Variants in CRTC1 observed in about 807,000 individuals in gnomAD.
The protein encoded by CRTC1 is CREB regulated transcription coactivator 1.
CRTC1 carries 18 observed loss-of-function variants against 66.1 expected under a neutral mutation model. The ratio of observed to expected loss-of-function variants is 0.27; its 90% confidence interval spans 0.19 to 0.40. The LOEUF is 0.40. Ranked by LOEUF, CRTC1 falls within the 10% of genes least tolerant of loss-of-function variation. The probability of loss-of-function intolerance (pLI) is 1.00; values close to 1 mark genes in which losing one functional copy is unlikely to be tolerated. For missense variants in CRTC1, 669 were observed against 887.9 expected (o/e 0.75, Z 3.13); for synonymous variants, 416 against 398.8 (o/e 1.04, Z -0.51).
At position 18,714,345 on chromosome 19, in the gene CRTC1, TC is replaced by T. The variant is rs2053459068; in HGVS notation, c.127-28564del. ...TTTTTTGAGACGGAGTCTTGCTCTG[TC>T]ACCTAGGCTGGAGTACGGTGGTGTG... On this transcript the variant is annotated intron_variant, in intron 1 of 13. Coordinates refer to ENST00000321949, the MANE Select transcript of CRTC1 (RefSeq NM_015321.3). 2.0e-5 allele frequency among the ~76,000 whole-genome samples: 3 copies of T among 152,070 alleles called. No homozygotes were observed. The East Asian group carries it at 5.8e-4, about 29-fold the overall frequency.
intron 1 of CRTC1, among the ~76,000 whole-genome samples, chr19:18,700,715 T>C (rs2145528470): frequency 6.6e-6 from 1 of 152,288 alleles, no homozygotes; most frequent in South Asian, 2.1e-4. Flanking sequence ...CGCCTGGGAC[T>C]GGCTCTGTGG....
At chr19:18,774,023 C>T (rs989169083) in intron 11 of CRTC1, among the ~76,000 whole-genome samples, 1 of 152,192 alleles carries the variant, frequency 6.6e-6, no homozygotes, top group African/African-American at 2.4e-5. Flanking sequence ...ACATGCCTTA[C>T]GCTATAGCTC....
chr19:18,744,030 G>T (rs1188967281), intron 2 of CRTC1: 5 of 1,515,890 alleles, frequency 3.3e-6, no homozygotes, highest in Admixed American at 1.7e-5. Context: ...CACAGCCCGG[G>T]GGGAGGTCCC....
chr19:18,740,518 CCA>C (rs969123166), intron 1 of CRTC1, among the ~76,000 whole-genome samples: 1 of 152,160 alleles, frequency 6.6e-6, no homozygotes, highest in Non-Finnish European at 1.5e-5. Context: ...CACCCTAAAA[CCA>C]CAGTGTGAGC....
At chr19:18,707,565 T>G (rs908152019) in intron 1 of CRTC1, among the ~76,000 whole-genome samples, 2 of 152,230 alleles carry the variant, frequency 1.3e-5, no homozygotes, top group African/African-American at 4.8e-5. Flanking sequence ...TTTTCAAGAT[T>G]GTCTTGTCTA....
At position 18,781,265 on chromosome 19, in the gene CRTC1, G is replaced by T. The variant is rs2055097426; in HGVS notation, c.*3883G>T. 1 of 228,046 alleles carries T rather than the reference G, an allele frequency of 4.4e-6. No homozygotes were observed. Among genetic ancestry groups the T allele is most frequent in the South Asian group, 1.8e-4 (1 of 5,496 alleles). The allele number at this position is 228,046 out of a possible 1,614,324, so 14.1% of individuals were successfully genotyped here. A position where few individuals can be genotyped will look rare whatever the true frequency, so the allele number is the denominator to read the frequency against. On this transcript the variant is annotated 3_prime_UTR_variant, in exon 14 of 14. Coordinates refer to ENST00000321949, the MANE Select transcript of CRTC1 (RefSeq NM_015321.3). ...CTTCCCTACACAGCCTAAGAGCAGG[G>T]GCAAGACTCGGCCCCTCACTCACCC...
intron 1 of CRTC1, among the ~76,000 whole-genome samples, chr19:18,735,930 C>A (rs913216917): frequency 2.6e-5 from 4 of 152,198 alleles, no homozygotes; most frequent in African/African-American, 7.2e-5. Flanking sequence ...GTCCACTGAA[C>A]CTAGAACCAT....
intron 6 of CRTC1, among the ~76,000 whole-genome samples, chr19:18,754,298 A>C (rs1011021710): frequency 1.3e-5 from 2 of 152,100 alleles, no homozygotes; most frequent in East Asian, 1.9e-4. Flanking sequence ...AGGTGGGAGG[A>C]TTACTTGAGC....
chr19:18,751,035 G>A (rs569042534), intron 5 of CRTC1, among the ~76,000 whole-genome samples: 7 of 152,264 alleles, frequency 4.6e-5, no homozygotes, highest in African/African-American at 7.2e-5. Context: ...GCCTTGGAGT[G>A]GGGGCCTGGC....
At chr19:18,718,202 CTG>C (rs1175959856) in intron 1 of CRTC1, among the ~76,000 whole-genome samples, 1 of 152,200 alleles carries the variant, frequency 6.6e-6, no homozygotes, top group Non-Finnish European at 1.5e-5. Flanking sequence ...CTTCCTGTCT[CTG>C]TGGATTTGCC....
rs558746204 is a variant in CRTC1, at chr19:18,695,247, T to C, written c.126+11419T>C. On this transcript the variant is annotated intron_variant, in intron 1 of 13. Transcript: ENST00000321949. ...GTCTCGAACTCCTGGTCTCGAGACC[T>C]GCCCGCCTTCGCCTCTCAAAGTGCT... 5.9e-5 allele frequency among the ~76,000 whole-genome samples: 9 copies of C among 152,094 alleles called. No individual in the cohort carries two copies. The South Asian group carries it at 1.9e-3, about 32-fold the overall frequency.
chr19:18,736,985 C>G (rs549891614), intron 1 of CRTC1, among the ~76,000 whole-genome samples: 2 of 152,154 alleles, frequency 1.3e-5, no homozygotes, highest in Admixed American at 1.3e-4. Flanking sequence ...GAGTGCTGCC[C>G]GAACATCTCT....
intron 1 of CRTC1, among the ~76,000 whole-genome samples, chr19:18,723,656 G>C (rs956225593): frequency 5.9e-5 from 9 of 152,254 alleles, no homozygotes; most frequent in African/African-American, 2.2e-4. Context: ...GAGAACTCTG[G>C]AGGGCAAGGG....
chr19:18,782,139 C>G lies in CRTC1; in HGVS notation c.*4757C>G, dbSNP rs2055115192. ...GTGCTCCTCTGTGCCCAGGCTGGCT[C>G]TCCCCCAACCCTAGCATGTATACTC... On this transcript the variant is annotated 3_prime_UTR_variant, in exon 14 of 14. Coordinates refer to ENST00000321949, the MANE Select transcript of CRTC1 (RefSeq NM_015321.3). 1 of 226,068 alleles carries G rather than the reference C, an allele frequency of 4.4e-6. No individual in the cohort carries two copies. The highest frequency in any genetic ancestry group is 8.8e-6 in the Non-Finnish European group (1 of 113,612). The allele number at this position is 226,068 out of a possible 1,614,324, so 14.0% of individuals were successfully genotyped here.
intron 1 of CRTC1, among the ~76,000 whole-genome samples, chr19:18,725,782 G>A (rs1426750985): frequency 6.6e-6 from 1 of 152,146 alleles, no homozygotes; most frequent in Non-Finnish European, 1.5e-5. Flanking sequence ...CCCCAACACA[G>A]CCTGCATGGT....
At chr19:18,755,967 G>A (rs1435180263) in intron 6 of CRTC1, among the ~76,000 whole-genome samples, 3 of 151,996 alleles carry the variant, frequency 2.0e-5, no homozygotes, top group African/African-American at 4.8e-5. Flanking sequence ...CAAACTCCTG[G>A]GCTCGGTCTC....
rs569937716 is a variant in CRTC1, at chr19:18,687,123, C to T, written c.126+3295C>T. ...CTCTGCCTCCCGAGTTCAAGTGATT[C>T]TCCTTCCTCAGCCTCCCGAGTAGCT... On this transcript the variant is annotated intron_variant, in intron 1 of 13. Coordinates refer to ENST00000321949, the MANE Select transcript of CRTC1 (RefSeq NM_015321.3). Among the ~76,000 whole-genome samples, 706 of 144,430 alleles carry T rather than the reference C, an allele frequency of 4.9e-3. 6 individuals are homozygous for T. Among genetic ancestry groups the T allele is most frequent in the Non-Finnish European group, 7.6e-3 (512 of 67,242 alleles). 94.8% of individuals were successfully genotyped at this position (144,430 alleles called of 152,430 possible).
chr19:18,719,763 G>A (rs1600834705), intron 1 of CRTC1, among the ~76,000 whole-genome samples: 1 of 152,362 alleles, frequency 6.6e-6, no homozygotes, highest in African/African-American at 2.4e-5. Context: ...AGGCCTGCGG[G>A]CGGCTGACCC....
chr19:18,686,569 C>T (rs908569214), intron 1 of CRTC1, among the ~76,000 whole-genome samples: 1 of 152,204 alleles, frequency 6.6e-6, no homozygotes, highest in Non-Finnish European at 1.5e-5. Flanking sequence ...ATCGCTTGAA[C>T]CTGGGAAGTG....
Sources: allele counts gnomAD v4.1 joint callset (sites outside exome capture counted in the v4.1 genomes callset), GRCh38; gene constraint gnomAD v4.1.1; transcripts MANE v1.5; gene names NCBI Gene and HGNC (gene_info 2026-07-23, HGNC 2026-07-21).